WDR7: variants seen among roughly 807,000 people sequenced by gnomAD.
WDR7 encodes the protein WD repeat domain 7.
In WDR7, 46 loss-of-function variants were observed where a neutral mutation model predicts 169.4. The observed-to-expected ratio is 0.27, with a 90% CI of 0.21 to 0.35. WDR7 has a LOEUF of 0.35. Ranked by LOEUF, WDR7 falls within the 10% of genes least tolerant of loss-of-function variation. The pLI is 1.00. For synonymous variants in WDR7, 612 were observed against 666.8 expected, an observed-to-expected ratio of 0.92 and a Z score of 1.27; for missense variants, 1,534 against 1,859.3, an observed-to-expected ratio of 0.83 and a Z score of 3.22.
intron 25 of WDR7, among the ~76,000 whole-genome samples, chr18:56,954,488 C>G (rs1002606455): frequency 6.6e-6 from 1 of 151,934 alleles, no homozygotes; most frequent in Admixed American, 6.6e-5. Context: ...AAAATAAAAT[C>G]ATTTTTAAAA....
chr18:56,663,498 C>T (rs972111100), intron 1 of WDR7, among the ~76,000 whole-genome samples: 6 of 152,108 alleles, frequency 3.9e-5, no homozygotes, highest in Admixed American at 3.9e-4. Flanking sequence ...TCTTTAAAAG[C>T]ATTTAGGGGT....
At chr18:56,746,085 A>G (rs2043698223) in intron 14 of WDR7, among the ~76,000 whole-genome samples, 1 of 152,224 alleles carries the variant, frequency 6.6e-6, no homozygotes, top group African/African-American at 2.4e-5. Context: ...TTAACCTTGA[A>G]TAGAAATATA....
intron 4 of WDR7, 90 bp from the exon 5 acceptor site, chr18:56,682,589 T>C (rs1488070080): frequency 7.1e-7 from 1 of 1,405,962 alleles, no homozygotes; most frequent in East Asian, 2.3e-5. Flanking sequence ...TAGGAGAATA[T>C]TGTAATAACC....
At chr18:56,898,127 C>T (rs60595281) in intron 21 of WDR7, among the ~76,000 whole-genome samples, 1 of 151,840 alleles carries the variant, frequency 6.6e-6, no homozygotes, top group South Asian at 2.1e-4. Flanking sequence ...AGGGGCACGT[C>T]AAAAGGACAT....
chr18:56,714,680 C>G (rs556766870), intron 12 of WDR7, among the ~76,000 whole-genome samples: 3 of 152,146 alleles, frequency 2.0e-5, no homozygotes, highest in African/African-American at 7.2e-5. Flanking sequence ...TCCCAAAGTG[C>G]TGGTATTATA....
chr18:57,027,464 A>G lies in WDR7; in HGVS notation c.*257A>G. On this transcript the variant is annotated 3_prime_UTR_variant, in exon 28 of 28. Transcript: ENST00000254442. ...ACCAGGTAGTTTTTCCCTGCCAGAG[A>G]TGGCAGGGGAAAGCCAGTGGTTCCT... The G allele has an allele frequency of 1.9e-6, 1 of 518,498 alleles. No individual in the cohort carries two copies. The highest frequency in any genetic ancestry group is 3.4e-6 in the Non-Finnish European group (1 of 293,080). 32.1% of individuals were successfully genotyped at this position (518,498 alleles called of 1,614,324 possible). A position where few individuals can be genotyped will look rare whatever the true frequency, so the allele number is the denominator to read the frequency against.
chr18:56,937,092 T>G (rs1020705846), intron 23 of WDR7, among the ~76,000 whole-genome samples: 1 of 152,210 alleles, frequency 6.6e-6, no homozygotes. Flanking sequence ...AATTGTGTTT[T>G]CAAACTTCAT....
chr18:56,747,582 C>G (rs561089076), intron 14 of WDR7, among the ~76,000 whole-genome samples: 3 of 152,174 alleles, frequency 2.0e-5, no homozygotes, highest in East Asian at 1.9e-4. Context: ...TTGTGTTGAG[C>G]CTTTTACTAC....
At chr18:56,942,574 C>A (rs1288057806) in intron 25 of WDR7, among the ~76,000 whole-genome samples, 1 of 150,170 alleles carries the variant, frequency 6.7e-6, no homozygotes, top group African/African-American at 2.5e-5. Flanking sequence ...TAGATCTCAA[C>A]TTTATTTCAG....
chr18:56,691,864 A>G (rs1568139658), intron 9 of WDR7, 47 bp downstream of exon 9: 1 of 1,422,430 alleles, frequency 7.0e-7, no homozygotes, highest in Non-Finnish European at 9.8e-7. Context: ...ACATTGAAAA[A>G]CTTCTACAAC....
chr18:56,807,212 C>A (rs1296752551), intron 19 of WDR7, among the ~76,000 whole-genome samples: 2 of 150,326 alleles, frequency 1.3e-5, no homozygotes, highest in African/African-American at 4.9e-5. Context: ...AAAGAACATA[C>A]TTTAAGCACA....
chr18:56,659,945 T>C (rs780588146), intron 1 of WDR7, among the ~76,000 whole-genome samples: 2 of 152,056 alleles, frequency 1.3e-5, no homozygotes, highest in African/African-American at 2.4e-5. Flanking sequence ...AGAGGGCTGT[T>C]GTGTTATCCC....
chr18:56,843,311 G>A (rs1568226826), intron 20 of WDR7, among the ~76,000 whole-genome samples: 1 of 152,098 alleles, frequency 6.6e-6, no homozygotes, highest in African/African-American at 2.4e-5. Context: ...ACCACCAATC[G>A]TTCTCCGAAA....
intron 20 of WDR7, among the ~76,000 whole-genome samples, chr18:56,821,842 A>G (rs1299109335): frequency 6.6e-6 from 1 of 151,946 alleles, no homozygotes; most frequent in African/African-American, 2.4e-5. Context: ...AAAAAAAAAA[A>G]TTAAAAGTTA....
At chr18:56,903,334 G>A (rs1175594479) in intron 21 of WDR7, among the ~76,000 whole-genome samples, 2 of 152,138 alleles carry the variant, frequency 1.3e-5, no homozygotes, top group Non-Finnish European at 2.9e-5. Context: ...GTTGTTTTGA[G>A]AGTTGAGCTG....
chr18:56,992,292 C>G (rs1009913749), intron 26 of WDR7, among the ~76,000 whole-genome samples: 1 of 152,148 alleles, frequency 6.6e-6, no homozygotes, highest in Non-Finnish European at 1.5e-5. Context: ...CAACTTGTCA[C>G]TTGGTGAATT....
At chr18:56,655,618 C>A (rs1292821726) in intron 1 of WDR7, among the ~76,000 whole-genome samples, 50 of 133,972 alleles carry the variant, frequency 3.7e-4, no homozygotes, top group African/African-American at 1.1e-3. Flanking sequence ...GACCCTGTCT[C>A]AAAAAAAAAA....
At position 56,756,999 on chromosome 18, in the gene WDR7, G is replaced by A; in HGVS notation, c.2406G>A (p.Leu802=). 3 of 1,614,170 alleles carry A rather than the reference G, an allele frequency of 1.9e-6. No homozygotes were observed. The highest frequency in any genetic ancestry group is 1.7e-6 in the Non-Finnish European group (2 of 1,180,032). The change falls in exon 15 of 28, where the codon CTG becomes CTA. Residue 802 remains leucine (L), a synonymous_variant. Coordinates refer to ENST00000254442, the MANE Select transcript of WDR7 (RefSeq NM_015285.3). Reference sequence around the variant, plus strand: ...ATTTAACTATGGACACTGCAAAGCTGTTTATGTCCTGCCTTCACGCCTGGG... The same window carrying A: ...ATTTAACTATGGACACTGCAAAGCTATTTATGTCCTGCCTTCACGCCTGGG... ...EYNLTMDTAK[L]FMSCLHAWGL... is the part of the protein sequence containing the mutation.
intron 19 of WDR7, among the ~76,000 whole-genome samples, chr18:56,809,134 T>A (rs1276011154): frequency 6.6e-6 from 1 of 152,084 alleles, no homozygotes; most frequent in Non-Finnish European, 1.5e-5. Flanking sequence ...TTGAGAACTG[T>A]TGTTTGGTAT....
Sources: gnomAD v4.1 joint callset for allele counts (sites outside exome capture counted in the v4.1 genomes callset) on GRCh38, gnomAD v4.1.1 for gene constraint, MANE v1.5 for transcripts, NCBI Gene and HGNC (gene_info 2026-07-23, HGNC 2026-07-21) for gene names.